Variants in B4GALT1 observed in about 807,000 individuals in gnomAD.
B4GALT1 encodes beta-1,4-galactosyltransferase 1.
B4GALT1 carries 16 observed loss-of-function variants against 34.9 expected under a neutral mutation model. That is an observed-to-expected ratio of 0.46 (90% CI 0.31 to 0.70). The LOEUF is 0.70. Among genes scored for constraint, B4GALT1 ranks in the 30% least tolerant of loss-of-function variants. The pLI is 0.05. For missense variants in B4GALT1, 445 were observed against 530.5 expected, an observed-to-expected ratio of 0.84 and a Z score of 1.58; for synonymous variants, 221 against 218.1, an observed-to-expected ratio of 1.01 and a Z score of -0.12.
Position 33,166,815 on chromosome 9 carries a change from C to T in B4GALT1, c.355G>A (p.Val119Met). Residue 119 changes from valine to methionine, a missense_variant, in exon 1 of 6, where the codon GTG (valine) becomes ATG (methionine). This residue lies in a region of B4GALT1 where 349 missense variants were observed against 395.5 expected (regional missense o/e 0.88). Coordinates refer to ENST00000379731, the MANE Select transcript of B4GALT1 (RefSeq NM_001497.4). ...GPASNLTSVP[V>M]PHTTALSLPA... ...AGCGACAGTGCGGTGGTGTGGGGCA[C>T]TGGGACCGAGGTCAAGTTGCTAGCG... 6.5e-7 allele frequency: 1 copy of T among 1,547,342 alleles called. No homozygotes were observed. The highest frequency in any genetic ancestry group is 8.7e-7 in the Non-Finnish European group (1 of 1,152,382).
intron 1 of B4GALT1, among the ~76,000 whole-genome samples, chr9:33,165,623 G>A (rs1469491428): frequency 6.6e-6 from 1 of 152,204 alleles, no homozygotes; most frequent in Non-Finnish European, 1.5e-5. Flanking sequence ...AGGGCTCTGT[G>A]GGAAAGTGAC....
chr9:33,149,992 G>T (rs1030105346), intron 1 of B4GALT1, among the ~76,000 whole-genome samples: 5 of 152,022 alleles, frequency 3.3e-5, no homozygotes, highest in Non-Finnish European at 5.9e-5. Context: ...TCTTCCTAAG[G>T]CCTGTAGATG....
the B4GALT1 span, among the ~76,000 whole-genome samples, chr9:33,182,543 T>C: frequency 1.7e-3 from 259 of 152,278 alleles, 3 homozygotes; most frequent in Non-Finnish European, 3.1e-3. Context: ...ACCAGTTATG[T>C]AACCTGGTGA....
the B4GALT1 span, among the ~76,000 whole-genome samples, chr9:33,181,423 T>C: frequency 2.2e-4 from 30 of 137,142 alleles, no homozygotes; most frequent in South Asian, 5.0e-4. Context: ...GACCCTGTCT[T>C]ACACACACAC....
At chr9:33,169,951 G>C (rs958211485), upstream of B4GALT1, among the ~76,000 whole-genome samples, 2 of 149,420 alleles carry the variant, frequency 1.3e-5, no homozygotes, top group African/African-American at 4.9e-5. Flanking sequence ...GTTCACTACT[G>C]TATCTTCAGC....
chr9:33,181,957 T>C, the B4GALT1 span, among the ~76,000 whole-genome samples: 1 of 74,020 alleles, frequency 1.4e-5, no homozygotes, highest in African/African-American at 5.2e-5. Flanking sequence ...CTTTTTCTTT[T>C]CTTTCTTTTT....
At chr9:33,126,524 C>T (rs1341366855) in intron 2 of B4GALT1, among the ~76,000 whole-genome samples, 1 of 62,118 alleles carries the variant, frequency 1.6e-5, no homozygotes. Context: ...CAGCAATCTT[C>T]TCACCTCAGC....
At chr9:33,135,675 C>G (rs1354176368) in intron 1 of B4GALT1, among the ~76,000 whole-genome samples, 1 of 152,184 alleles carries the variant, frequency 6.6e-6, no homozygotes, top group Admixed American at 6.5e-5. Flanking sequence ...GTGAAGCACT[C>G]GCCTGCCCAG....
intron 1 of B4GALT1, among the ~76,000 whole-genome samples, chr9:33,163,307 T>G (rs1033154609): frequency 1.3e-5 from 2 of 152,188 alleles, no homozygotes. Context: ...AACCGGCTCA[T>G]GAGCAAGTGC....
chr9:33,173,558 T>G, the B4GALT1 span, among the ~76,000 whole-genome samples: 149,073 of 152,092 alleles, frequency 0.98, 73,101 homozygotes, highest in East Asian at 1. Context: ...GTGAATTCAT[T>G]ATTTTCAATA....
intron 1 of B4GALT1, among the ~76,000 whole-genome samples, chr9:33,140,888 T>C (rs1840339666): frequency 6.6e-6 from 1 of 152,270 alleles, no homozygotes; most frequent in African/African-American, 2.4e-5. Flanking sequence ...TGAGGCCCCT[T>C]GGGCTAGAAA....
intron 1 of B4GALT1, among the ~76,000 whole-genome samples, chr9:33,158,727 T>C (rs1405043098): frequency 6.6e-6 from 1 of 152,180 alleles, no homozygotes; most frequent in East Asian, 1.9e-4. Context: ...TTTGGCTCCC[T>C]GCACCTCCTC....
upstream of B4GALT1, chr9:33,167,500 C>CGGGGCGCCGTCGTG (rs1310186422): frequency 6.5e-6 from 1 of 153,152 alleles, no homozygotes; most frequent in Non-Finnish European, 1.4e-5. Context: ...GGGCAGCGGG[C>CGGGGCGCCGTCGTG]GGGGCGCCGT....
In B4GALT1 at chr9:33,167,250, C is replaced by G. The variant is rs534982786; in HGVS notation, c.-81G>C. On this transcript the variant is annotated 5_prime_UTR_variant, in exon 1 of 6. Transcript: ENST00000379731. The stretch of plus-strand genomic sequence containing the variant: ...CGCGGGCCGCCCGCCAGGCGCTGCC[C>G]CACAGCGGCGACTAGGGGAGGGCCC... 2 of 1,425,704 alleles carry G rather than the reference C, an allele frequency of 1.4e-6. No homozygotes were observed. The highest frequency in any genetic ancestry group is 1.5e-5 in the South Asian group (1 of 66,586). The allele number at this position is 1,425,704 out of a possible 1,614,324, so 88.3% of individuals were successfully genotyped here.
upstream of B4GALT1, among the ~76,000 whole-genome samples, chr9:33,170,362 G>A (rs748496844): frequency 2.8e-4 from 43 of 152,178 alleles, no homozygotes; most frequent in Non-Finnish European, 5.7e-4. Context: ...AGTTTAGAAC[G>A]TAAAGTGGAG....
chr9:33,158,036 T>C (rs954372568), intron 1 of B4GALT1, among the ~76,000 whole-genome samples: 3 of 152,196 alleles, frequency 2.0e-5, no homozygotes, highest in Non-Finnish European at 4.4e-5. Context: ...TAGACAGACA[T>C]GATGAAATCC....
chr9:33,167,263 T>G lies in B4GALT1; in HGVS notation c.-94A>C. On this transcript the variant is annotated 5_prime_UTR_variant, in exon 1 of 6. Coordinates refer to ENST00000379731, the MANE Select transcript of B4GALT1 (RefSeq NM_001497.4). ...CCAGGCGCTGCCCCACAGCGGCGAC[T>G]AGGGGAGGGCCCGGAGCGGGGGCGG... 1.4e-6 allele frequency: 2 copies of G among 1,391,510 alleles called. No homozygotes were observed. Among genetic ancestry groups the G allele is most frequent in the Non-Finnish European group, 1.9e-6 (2 of 1,069,236 alleles). The allele number at this position is 1,391,510 out of a possible 1,614,324, so 86.2% of individuals were successfully genotyped here.
At chr9:33,173,370 A>C in the B4GALT1 span, among the ~76,000 whole-genome samples, 1 of 150,446 alleles carries the variant, frequency 6.6e-6, no homozygotes. Flanking sequence ...GGGCCATTGC[A>C]CTCCAGCCTG....
chr9:33,152,642 C>A (rs574346366), intron 1 of B4GALT1, among the ~76,000 whole-genome samples: 1 of 151,750 alleles, frequency 6.6e-6, no homozygotes, highest in South Asian at 2.1e-4. Context: ...TTTGGGAGGC[C>A]GAGGCAGGTG....
Sources: allele counts gnomAD v4.1 joint callset (sites outside exome capture counted in the v4.1 genomes callset), GRCh38; gene constraint gnomAD v4.1.1; regional missense constraint gnomAD v4.1.1; transcripts MANE v1.5; gene names NCBI Gene and HGNC (gene_info 2026-07-23, HGNC 2026-07-21).